EML6: variants seen among roughly 807,000 people sequenced by gnomAD.
EML6 encodes the protein EMAP like 6.
EML6 carries 154 observed loss-of-function variants against 240.1 expected under a neutral mutation model. That is an observed-to-expected ratio of 0.64 (90% CI 0.56 to 0.73). The LOEUF (loss-of-function observed/expected upper bound fraction) is 0.73, where lower values mean the gene tolerates loss of function less well. Ranked by LOEUF, EML6 falls within the 30% of genes least tolerant of loss-of-function variation. The pLI is 0.00. For synonymous variants in EML6, 1,148 were observed against 899.0 expected (o/e 1.28, Z -4.95); for missense variants, 2,964 against 2,474.6 (o/e 1.20, Z -4.20).
At chr2:54,777,996 A>T (rs1225869967) in intron 2 of EML6, among the ~76,000 whole-genome samples, 3 of 152,236 alleles carry the variant, frequency 2.0e-5, no homozygotes, top group African/African-American at 4.8e-5. Context: ...TAAAGAAAAA[A>T]TGTTCAGCTC....
At chr2:54,928,234 G>A (rs572244784) in intron 26 of EML6, 79 bp from the exon 27 acceptor site, 105 of 1,105,798 alleles carry the variant, frequency 9.5e-5, no homozygotes, top group Non-Finnish European at 1.3e-4. Context: ...TTTGTATCCA[G>A]TAGAAACTAA....
intron 39 of EML6, 94 bp from the exon 40 acceptor site, chr2:54,968,034 C>T (rs770573960): frequency 4.3e-5 from 54 of 1,255,566 alleles, no homozygotes; most frequent in Non-Finnish European, 5.6e-5. Flanking sequence ...TGTTAAACAT[C>T]CCTCTCTTCC....
At chr2:54,778,861 C>T (rs548721143) in intron 2 of EML6, among the ~76,000 whole-genome samples, 1 of 135,232 alleles carries the variant, frequency 7.4e-6, no homozygotes, top group South Asian at 2.4e-4. Context: ...CACTGCATTC[C>T]AGCCTGGGTG....
intron 30 of EML6, among the ~76,000 whole-genome samples, chr2:54,951,510 A>T (rs1385422234): frequency 1.3e-5 from 2 of 151,634 alleles, no homozygotes; most frequent in Non-Finnish European, 2.9e-5. Context: ...GCGCCATTGC[A>T]CTCCAGCCTG....
At chr2:54,868,606 A>G (rs544808400) in intron 14 of EML6, 6 of 152,262 alleles carry the variant, frequency 3.9e-5, no homozygotes, top group Non-Finnish European at 8.8e-5. Flanking sequence ...ATCACAAAAA[A>G]TAATCTTTCA....
intron 24 of EML6, 45 bp from the exon 25 acceptor site, chr2:54,910,909 A>G: frequency 1.0e-6 from 1 of 972,906 alleles, no homozygotes; most frequent in South Asian, 1.5e-5. Context: ...ATAAAGAGAT[A>G]AAGTCAGATT....
intron 12 of EML6, among the ~76,000 whole-genome samples, chr2:54,860,552 A>C (rs2103834687): frequency 6.6e-6 from 1 of 152,190 alleles, no homozygotes. Flanking sequence ...TCCTCCCATG[A>C]CTCATCCCAT....
In EML6 at chr2:54,957,964, A is replaced by G; in HGVS notation, c.4661A>G (p.Lys1554Arg). 1 of 1,551,492 alleles carries G rather than the reference A, an allele frequency of 6.4e-7. No individual in the cohort carries two copies. The highest frequency in any genetic ancestry group is 8.7e-7 in the Non-Finnish European group (1 of 1,146,882). ...GTCATCGGGTCCCTGGGAGCTGCCAAAATGCAGACGATGCTCTCCGTGGCC... is the reference window on the plus strand; with the variant it reads ...GTCATCGGGTCCCTGGGAGCTGCCAGAATGCAGACGATGCTCTCCGTGGCC... ...KGVIGSLGAA[K>R]MQTMLSVAFG... Residue 1554 changes from lysine (K) to arginine (R), a missense_variant, in exon 33 of 42, where the codon AAA (lysine) becomes AGA (arginine). Transcript: ENST00000356458.
rs181355121 is a variant in EML6 at position 54,918,727 on chromosome 2, A to G, written c.3675+1792A>G. On this transcript the variant is annotated intron_variant, in intron 26 of 41. Transcript: ENST00000356458. ...TTTAAATTTACCCCCCTGTACAGTC[A>G]TTTATCCTGGTCCAAGAAGACATCA... Among the ~76,000 whole-genome samples the G allele has an allele frequency of 3.7e-4, 56 of 152,280 alleles. No homozygotes were observed. In the East Asian group the frequency reaches 8.5e-3, roughly 23 times the overall value.
chr2:54,725,248 G>A lies in EML6; in HGVS notation c.187G>A (p.Asp63Asn), dbSNP rs1476047956. ...SQKFFLGHND[D>N]IISLALHPDK... ...AAAATTCTTCCTGGGACACAACGACGACATTATCAGGTAAGGGGGTGGCCA... is the reference window on the plus strand; with the variant it reads ...AAAATTCTTCCTGGGACACAACGACAACATTATCAGGTAAGGGGGTGGCCA... Residue 63 changes from aspartate to asparagine, a missense_variant, in exon 2 of 42, where the codon GAC (aspartate) becomes AAC (asparagine). Asp to Asn is a conservative substitution (Grantham distance 23, BLOSUM62 1). Coordinates refer to ENST00000356458, the MANE Select transcript of EML6 (RefSeq NM_001039753.4). The surrounding 1 kb of genome is among the most constrained non-coding windows in gnomAD (Gnocchi z 4.3). 6 of 1,472,212 alleles carry A rather than the reference G, an allele frequency of 4.1e-6. No homozygotes were observed. The highest frequency in any genetic ancestry group is 5.4e-6 in the Non-Finnish European group (6 of 1,103,812). The allele number at this position is 1,472,212 out of a possible 1,614,324, so 91.2% of individuals were successfully genotyped here.
chr2:54,820,249 T>A, intron 4 of EML6, 145 bp from the exon 5 acceptor site: 1 of 593,812 alleles, frequency 1.7e-6, no homozygotes, highest in East Asian at 2.8e-5. Context: ...CCTGACTCAT[T>A]CCAAGCCAAA....
At chr2:54,941,417 G>A (rs1252588495) in intron 28 of EML6, among the ~76,000 whole-genome samples, 2 of 152,180 alleles carry the variant, frequency 1.3e-5, no homozygotes, top group Non-Finnish European at 2.9e-5. Flanking sequence ...CGGCAAATGA[G>A]CAACCTGTGC....
At chr2:54,734,304 C>A (rs1683298959) in intron 2 of EML6, among the ~76,000 whole-genome samples, 1 of 152,236 alleles carries the variant, frequency 6.6e-6, no homozygotes, top group Non-Finnish European at 1.5e-5. Flanking sequence ...CACCACTGCA[C>A]TCTAGCCTGG....
intron 28 of EML6, among the ~76,000 whole-genome samples, chr2:54,934,758 T>G (rs1332502911): frequency 6.6e-6 from 1 of 152,096 alleles, no homozygotes; most frequent in Non-Finnish European, 1.5e-5. Flanking sequence ...TTACTGTGTT[T>G]CCCAGGGTGT....
At position 54,964,059 on chromosome 2, in the gene EML6, C is replaced by T; in HGVS notation, c.5231C>T (p.Ala1744Val). 4.5e-6 allele frequency: 7 copies of T among 1,551,718 alleles called. No individual in the cohort carries two copies. The highest frequency in any genetic ancestry group is 6.1e-6 in the Non-Finnish European group (7 of 1,147,002). Residue 1744 changes from alanine (A) to valine (V), a missense_variant, in exon 37 of 42, where the codon GCC (alanine) becomes GTC (valine). Coordinates refer to ENST00000356458, the MANE Select transcript of EML6 (RefSeq NM_001039753.4). Reference protein sequence around the residue: ...AAYSPDGEMVAIGMKNGEFVI... With the variant: ...AAYSPDGEMVVIGMKNGEFVI... Reference sequence around the variant, plus strand: ...TACAGCCCTGATGGGGAGATGGTGGCCATTGGCATGAAGAATGGAGAGTTT... The same window carrying T: ...TACAGCCCTGATGGGGAGATGGTGGTCATTGGCATGAAGAATGGAGAGTTT...
chr2:54,883,266 G>T (rs914696410), intron 17 of EML6, among the ~76,000 whole-genome samples: 1 of 151,974 alleles, frequency 6.6e-6, no homozygotes, highest in Admixed American at 6.6e-5. Flanking sequence ...TTGTACATAT[G>T]CTCTATAACT....
intron 28 of EML6, among the ~76,000 whole-genome samples, chr2:54,929,093 A>G (rs1250871984): frequency 1.3e-5 from 2 of 152,242 alleles, no homozygotes; most frequent in South Asian, 2.1e-4. Context: ...CCTGCTGACC[A>G]GCAAGGTAGG....
At chr2:54,756,579 T>TA (rs1371548531) in intron 2 of EML6, among the ~76,000 whole-genome samples, 1 of 152,024 alleles carries the variant, frequency 6.6e-6, no homozygotes, top group Non-Finnish European at 1.5e-5. Context: ...TTTTCCTTTT[T>TA]AAAAAAATCT....
At chr2:54,936,124 T>G (rs771940574) in intron 28 of EML6, among the ~76,000 whole-genome samples, 1 of 152,246 alleles carries the variant, frequency 6.6e-6, no homozygotes, top group African/African-American at 2.4e-5. Context: ...TAGAAACTTA[T>G]AACTACGGAA....
Sources: allele counts gnomAD v4.1 joint callset (sites outside exome capture counted in the v4.1 genomes callset), GRCh38; gene constraint gnomAD v4.1.1; non-coding constraint Gnocchi (gnomAD v3.1); transcripts MANE v1.5; gene names NCBI Gene and HGNC (gene_info 2026-07-23, HGNC 2026-07-21).